Variants in TRPM3 observed in about 807,000 individuals in gnomAD.
TRPM3 encodes long transient receptor potential channel 3.
Under a neutral mutation model 181.2 loss-of-function variants are expected in TRPM3, and 77 were observed. That is an observed-to-expected ratio of 0.42 (90% CI 0.35 to 0.51). The LOEUF is 0.51. Ranked by LOEUF, TRPM3 falls within the 20% of genes least tolerant of loss-of-function variation. The pLI, the probability that TRPM3 is intolerant of heterozygous loss-of-function variation, is 0.01. For missense variants in TRPM3, 1,759 were observed against 2,196.7 expected (o/e 0.80, Z 3.98); for synonymous variants, 745 against 796.4 (o/e 0.94, Z 1.09).
chr9:70,678,784 G>A (rs1048856432), intron 9 of TRPM3, among the ~76,000 whole-genome samples: 2 of 152,112 alleles, frequency 1.3e-5, no homozygotes, highest in African/African-American at 2.4e-5. Context: ...ACATGCCCAC[G>A]CATAATTCAA....
At chr9:70,602,575 G>T (rs901604303) in intron 20 of TRPM3, among the ~76,000 whole-genome samples, 3 of 152,180 alleles carry the variant, frequency 2.0e-5, no homozygotes, top group Non-Finnish European at 2.9e-5. Context: ...TCCTAAGCCT[G>T]CCTTCCTAAT....
chr9:70,996,690 T>C lies in TRPM3; in HGVS notation c.177+124488A>G, dbSNP rs577945305. ...GAATGCTCTCTGGTTTGAGAGTTTA[T>C]TTGAATTTTTTTCTTTTCACTTTAA... On this transcript the variant is annotated intron_variant, in intron 1 of 25. Transcript: ENST00000677713. Among the ~76,000 whole-genome samples the C allele has an allele frequency of 9.2e-5, 14 of 152,372 alleles. No individual in the cohort carries two copies. In the South Asian group the frequency reaches 2.9e-3, roughly 32 times the overall value.
intron 1 of TRPM3, among the ~76,000 whole-genome samples, chr9:71,182,133 A>T (rs1456059856): frequency 1.3e-5 from 2 of 152,132 alleles, no homozygotes; most frequent in Non-Finnish European, 2.9e-5. Context: ...ATACAAAAGC[A>T]CTTTATGTGC....
intron 18 of TRPM3, among the ~76,000 whole-genome samples, chr9:70,613,726 T>A (rs2062330261): frequency 6.6e-6 from 1 of 152,226 alleles, no homozygotes; most frequent in African/African-American, 2.4e-5. Flanking sequence ...TTGCAGAACC[T>A]TCTACTGGGC....
At chr9:71,363,610 G>A (rs2092235631) in intron 1 of TRPM3, among the ~76,000 whole-genome samples, 1 of 152,110 alleles carries the variant, frequency 6.6e-6, no homozygotes, top group African/African-American at 2.4e-5. Flanking sequence ...AAGCTCATAA[G>A]CCCAGAAAAC....
chr9:70,620,675 CT>C (rs1202117894), intron 15 of TRPM3, among the ~76,000 whole-genome samples: 1 of 151,924 alleles, frequency 6.6e-6, no homozygotes, highest in Non-Finnish European at 1.5e-5. Flanking sequence ...ATGTTTGTAC[CT>C]AATGATGGAC....
At position 71,313,191 on chromosome 9, in the gene TRPM3, T is replaced by A. The variant is rs142798434; in HGVS notation, c.183+133462A>T. Among the ~76,000 whole-genome samples, 363 of 152,070 alleles carry A rather than the reference T, an allele frequency of 2.4e-3. 2 individuals are homozygous for A. Among genetic ancestry groups the A allele is most frequent in the African/African-American group, 8.4e-3 (348 of 41,366 alleles). ...GACAATGGAAATTCTGTATGTTCTG[T>A]TTAATTTTGCAGTGAACCTAATCTG... On this transcript the variant is annotated intron_variant, in intron 1 of 24. Coordinates refer to the TRPM3 transcript ENST00000357533.
intron 6 of TRPM3, among the ~76,000 whole-genome samples, chr9:70,822,824 G>A (rs1446042874): frequency 6.8e-6 from 1 of 146,050 alleles, no homozygotes; most frequent in Non-Finnish European, 1.5e-5. Flanking sequence ...CTGGTATTTG[G>A]GTCTGTGCCT....
intron 1 of TRPM3, among the ~76,000 whole-genome samples, chr9:71,034,413 G>T (rs551134784): frequency 7.9e-5 from 12 of 152,332 alleles, no homozygotes; most frequent in African/African-American, 2.9e-4. Context: ...GGAAAAAAGA[G>T]AGGTGAATAT....
At chr9:70,752,978 T>C (rs889622790) in intron 8 of TRPM3, among the ~76,000 whole-genome samples, 4 of 151,960 alleles carry the variant, frequency 2.6e-5, no homozygotes, top group African/African-American at 9.7e-5. Flanking sequence ...AGTGTGGTGG[T>C]TGGCACTCCC....
intron 1 of TRPM3, among the ~76,000 whole-genome samples, chr9:71,200,404 C>T (rs2078702073): frequency 6.6e-6 from 1 of 150,702 alleles, no homozygotes; most frequent in South Asian, 2.2e-4. Flanking sequence ...TGGTGCAGAG[C>T]TGAGTTCAAT....
At chr9:71,179,263 C>T (rs147169021) in intron 1 of TRPM3, among the ~76,000 whole-genome samples, 4 of 152,172 alleles carry the variant, frequency 2.6e-5, no homozygotes, top group African/African-American at 9.6e-5. Flanking sequence ...TCACACTGGA[C>T]CTAAAAGAAT....
intron 1 of TRPM3, among the ~76,000 whole-genome samples, chr9:70,902,378 C>T (rs1327716848): frequency 6.6e-6 from 1 of 152,176 alleles, no homozygotes; most frequent in Non-Finnish European, 1.5e-5. Flanking sequence ...TTGCCCGGCA[C>T]TGTACATATG....
chr9:70,881,661 G>A (rs947366899), intron 1 of TRPM3, among the ~76,000 whole-genome samples: 3 of 152,188 alleles, frequency 2.0e-5, no homozygotes, highest in Non-Finnish European at 4.4e-5. Flanking sequence ...AATAGCAAAC[G>A]AAGACTTAGC....
At chr9:71,213,369 C>G in intron 1 of TRPM3, among the ~76,000 whole-genome samples, 1 of 152,078 alleles carries the variant, frequency 6.6e-6, no homozygotes, top group Admixed American at 6.6e-5. Flanking sequence ...TAGATTTTGC[C>G]TACGGGCCTT....
At chr9:70,870,138 C>T (rs190939209) in intron 1 of TRPM3, among the ~76,000 whole-genome samples, 1 of 151,996 alleles carries the variant, frequency 6.6e-6, no homozygotes, top group East Asian at 1.9e-4. Context: ...TTCCGTAATC[C>T]TCTGTTAATG....
intron 1 of TRPM3, among the ~76,000 whole-genome samples, chr9:71,355,617 C>A (rs1338329149): frequency 1.3e-5 from 2 of 151,942 alleles, no homozygotes; most frequent in Non-Finnish European, 2.9e-5. Context: ...CCGATAGAGT[C>A]CCCCTGTGGT....
At chr9:70,968,300 C>A in intron 1 of TRPM3, among the ~76,000 whole-genome samples, 1 of 152,130 alleles carries the variant, frequency 6.6e-6, no homozygotes. Context: ...ATGGGCAGGG[C>A]TCTGTGTTGG....
intron 1 of TRPM3, among the ~76,000 whole-genome samples, chr9:71,064,422 GTT>G (rs34258713): frequency 7.0e-6 from 1 of 142,996 alleles, no homozygotes. Context: ...TATCACCATG[GTT>G]TTTTTTTTTT....
Sources: allele counts gnomAD v4.1 joint callset (sites outside exome capture counted in the v4.1 genomes callset), GRCh38; gene constraint gnomAD v4.1.1; transcripts MANE v1.5; gene names NCBI Gene and HGNC (gene_info 2026-07-23, HGNC 2026-07-21).